Variants in EYS observed in about 807,000 individuals in gnomAD.
The protein encoded by EYS is EGF-like photoreceptor maintenance factor, also known as protein eyes shut homolog.
In EYS, 250 loss-of-function variants were observed where a neutral mutation model predicts 282.1. The observed-to-expected ratio is 0.89, with a 90% confidence interval of 0.80 to 0.98. The LOEUF is 0.98. EYS is among the 50% of genes least tolerant of loss of function. EYS has a pLI of 0.00. For synonymous variants in EYS, 1,355 were observed against 1,282.9 expected (o/e 1.06, Z -1.20); for missense variants, 4,016 against 3,709.0 (o/e 1.08, Z -2.15).
chr6:64,140,434 C>G (rs1007366786), intron 31 of EYS, among the ~76,000 whole-genome samples: 20 of 152,178 alleles, frequency 1.3e-4, no homozygotes, highest in African/African-American at 4.8e-4. Context: ...CTTTGTGTTA[C>G]TTCTTCAGAT....
chr6:64,433,020 C>G (rs1774622664), intron 28 of EYS, among the ~76,000 whole-genome samples: 1 of 152,006 alleles, frequency 6.6e-6, no homozygotes, highest in African/African-American at 2.4e-5. Flanking sequence ...TTATTTTAAG[C>G]AATCACACAT....
intron 28 of EYS, among the ~76,000 whole-genome samples, chr6:64,410,002 T>C (rs1773834682): frequency 6.6e-6 from 1 of 152,088 alleles, no homozygotes; most frequent in African/African-American, 2.4e-5. Context: ...TAACTAGTGA[T>C]TCTTATCAGT....
At chr6:64,124,054 A>G (rs773201741) in intron 31 of EYS, among the ~76,000 whole-genome samples, 3 of 152,232 alleles carry the variant, frequency 2.0e-5, no homozygotes, top group East Asian at 3.8e-4. Flanking sequence ...AAAATGATGT[A>G]TAAAATAGCA....
chr6:64,289,617 C>G (rs1768627707), intron 30 of EYS, among the ~76,000 whole-genome samples: 2 of 152,070 alleles, frequency 1.3e-5, no homozygotes, highest in Admixed American at 1.3e-4. Context: ...CGTAAACCCA[C>G]TCCCTGAAAA....
chr6:64,545,393 G>T (rs906145106), intron 26 of EYS, among the ~76,000 whole-genome samples: 2 of 152,120 alleles, frequency 1.3e-5, no homozygotes, highest in Non-Finnish European at 2.9e-5. Flanking sequence ...AGCTATCTAT[G>T]ACAAACCCAC....
intron 28 of EYS, among the ~76,000 whole-genome samples, chr6:64,418,087 AG>A (rs1774116303): frequency 6.6e-6 from 1 of 152,122 alleles, no homozygotes; most frequent in Non-Finnish European, 1.5e-5. Context: ...GAGAAATTTT[AG>A]GGGAGACAGG....
chr6:64,686,271 C>T (rs1314817575), intron 22 of EYS, among the ~76,000 whole-genome samples: 1 of 151,644 alleles, frequency 6.6e-6, no homozygotes, highest in East Asian at 1.9e-4. Flanking sequence ...AGTAAATACA[C>T]ATCAGCAAAT....
intron 30 of EYS, among the ~76,000 whole-genome samples, chr6:64,276,136 C>T (rs1054749320): frequency 6.6e-6 from 1 of 152,024 alleles, no homozygotes; most frequent in Admixed American, 6.6e-5. Flanking sequence ...TCTTTAGATA[C>T]CCCTTGAACT....
At chr6:65,237,189 T>A (rs1322933449) in intron 12 of EYS, among the ~76,000 whole-genome samples, 1 of 152,116 alleles carries the variant, frequency 6.6e-6, no homozygotes, top group Non-Finnish European at 1.5e-5. Flanking sequence ...GCCAAATAAA[T>A]TTGTATAAAA....
chr6:64,085,387 T>C (rs910223905), intron 31 of EYS, among the ~76,000 whole-genome samples: 3 of 144,406 alleles, frequency 2.1e-5, no homozygotes, highest in African/African-American at 8.1e-5. Context: ...AGCTCAGCTA[T>C]GAATGTATGA....
At chr6:64,584,085 T>C (rs1387271606) in intron 26 of EYS, among the ~76,000 whole-genome samples, 1 of 152,054 alleles carries the variant, frequency 6.6e-6, no homozygotes, top group African/African-American at 2.4e-5. Context: ...CTAACATGAA[T>C]AAAATGATCA....
At chr6:64,870,310 C>T (rs1230336171) in intron 19 of EYS, among the ~76,000 whole-genome samples, 3 of 151,390 alleles carry the variant, frequency 2.0e-5, no homozygotes, top group South Asian at 2.1e-4. Flanking sequence ...AAGTCACAGG[C>T]TTAGAAATTA....
intron 2 of EYS, among the ~76,000 whole-genome samples, chr6:65,558,057 C>T (rs932522568): frequency 3.1e-4 from 47 of 152,298 alleles, no homozygotes; most frequent in African/African-American, 1.0e-3. Context: ...AACTGGCATC[C>T]GAGCCCCCAG....
chr6:65,706,812 A>ATTT (rs1769895822), intron 1 of EYS, among the ~76,000 whole-genome samples: 2 of 152,156 alleles, frequency 1.3e-5, no homozygotes, highest in Non-Finnish European at 2.9e-5. Flanking sequence ...CAAAAATCGA[A>ATTT]AGCAATCATA....
At chr6:65,415,653 G>A (rs1767202080) in intron 5 of EYS, among the ~76,000 whole-genome samples, 1 of 152,198 alleles carries the variant, frequency 6.6e-6, no homozygotes, top group East Asian at 1.9e-4. Context: ...GATGGGCAAA[G>A]AATCAAGTTA....
chr6:64,934,230 A>G (rs1231949727), intron 15 of EYS, among the ~76,000 whole-genome samples: 6 of 151,960 alleles, frequency 3.9e-5, no homozygotes, highest in African/African-American at 7.2e-5. Context: ...GAACATAAAG[A>G]TAAGTTTATT....
chr6:64,446,439 G>A (rs1233158826), intron 26 of EYS, among the ~76,000 whole-genome samples: 4 of 151,976 alleles, frequency 2.6e-5, no homozygotes, highest in Admixed American at 6.6e-5. Context: ...TACACCAAAT[G>A]AGTATAATAT....
At chr6:64,553,528 T>A (rs1765149644) in intron 26 of EYS, among the ~76,000 whole-genome samples, 2 of 141,604 alleles carry the variant, frequency 1.4e-5, no homozygotes, top group Admixed American at 1.5e-4. Flanking sequence ...ATCAAGAACA[T>A]CTGTGACTTT....
At chr6:65,178,264 T>C (rs1765277718) in intron 12 of EYS, among the ~76,000 whole-genome samples, 1 of 151,964 alleles carries the variant, frequency 6.6e-6, no homozygotes, top group South Asian at 2.1e-4. Context: ...ATCTTGCCTG[T>C]TGCTCCCTTG....
Sources: gnomAD v4.1 joint callset for allele counts (sites outside exome capture counted in the v4.1 genomes callset) on GRCh38, gnomAD v4.1.1 for gene constraint, MANE v1.5 for transcripts, NCBI Gene and HGNC (gene_info 2026-07-23, HGNC 2026-07-21) for gene names.